AGBL3: variants seen among roughly 807,000 people sequenced by gnomAD.
The protein encoded by AGBL3 is cytosolic carboxypeptidase 3.
In AGBL3, 68 loss-of-function variants were observed where a neutral mutation model predicts 94.5. The ratio of observed to expected loss-of-function variants is 0.72; its 90% CI spans 0.59 to 0.88. The LOEUF is 0.88. Ranked by LOEUF, AGBL3 falls within the 40% of genes least tolerant of loss-of-function variation. AGBL3 has a pLI of 0.00. For missense variants in AGBL3, 934 were observed against 1,103.8 expected, an observed-to-expected ratio of 0.85 and a Z score of 2.18; for synonymous variants, 354 against 370.7, an observed-to-expected ratio of 0.95 and a Z score of 0.52.
chr7:135,114,230 G>A (rs971211918), intron 15 of AGBL3, among the ~76,000 whole-genome samples: 2 of 151,992 alleles, frequency 1.3e-5, no homozygotes, highest in East Asian at 1.9e-4. Flanking sequence ...GGAATTGCTG[G>A]GTCATATGGT....
At chr7:135,024,420 G>A (rs1297953242) in intron 5 of AGBL3, among the ~76,000 whole-genome samples, 3 of 152,076 alleles carry the variant, frequency 2.0e-5, no homozygotes, top group African/African-American at 4.8e-5. Flanking sequence ...TAAAACCCAG[G>A]GCAAGAATCT....
At chr7:134,993,436 C>T (rs1419298465) in intron 3 of AGBL3, 57 bp from the exon 4 acceptor site, 2 of 1,379,394 alleles carry the variant, frequency 1.4e-6, no homozygotes, top group African/African-American at 2.9e-5. Flanking sequence ...ATAAAAATTA[C>T]AGGAGTTGGT....
intron 12 of AGBL3, among the ~76,000 whole-genome samples, chr7:135,071,170 G>A (rs7777520): frequency 0.49 from 73,673 of 151,856 alleles, 18,236 homozygotes; most frequent in South Asian, 0.66. Flanking sequence ...TACAAGGGAC[G>A]TGAAGGACCT....
chr7:135,080,122 A>G (rs1194460646), intron 13 of AGBL3, 81 bp from the exon 14 acceptor site: 1 of 1,089,312 alleles, frequency 9.2e-7, no homozygotes. Context: ...AAAATGCACA[A>G]TACCATAAAT....
At chr7:134,986,943 A>G (rs1584722627) in intron 1 of AGBL3, among the ~76,000 whole-genome samples, 1 of 152,226 alleles carries the variant, frequency 6.6e-6, no homozygotes, top group Admixed American at 6.5e-5. Context: ...GCGCCGGTGG[A>G]TAAGGGCCGT....
intron 16 of AGBL3, among the ~76,000 whole-genome samples, chr7:135,129,945 G>A (rs1222652829): frequency 6.6e-6 from 1 of 152,152 alleles, no homozygotes. Context: ...ATATTATAAT[G>A]TGTCCAAAGC....
At chr7:135,068,529 C>T (rs1486662370) in intron 12 of AGBL3, among the ~76,000 whole-genome samples, 1 of 152,176 alleles carries the variant, frequency 6.6e-6, no homozygotes, top group Admixed American at 6.5e-5. Flanking sequence ...AGACTAACAG[C>T]TGATCTCTCG....
At chr7:135,045,435 A>G (rs1339036724) in intron 9 of AGBL3, 39 bp from the exon 10 acceptor site, 1 of 1,483,070 alleles carries the variant, frequency 6.7e-7, no homozygotes, top group Non-Finnish European at 9.2e-7. Flanking sequence ...AAAATTATTA[A>G]CTTACCCTCA....
intron 12 of AGBL3, among the ~76,000 whole-genome samples, chr7:135,067,196 C>A (rs542099548): frequency 1.2e-4 from 18 of 152,340 alleles, no homozygotes; most frequent in African/African-American, 3.8e-4. Flanking sequence ...GGGACGGGCA[C>A]CCACCATTGC....
chr7:135,015,190 T>C (rs1813623211), intron 4 of AGBL3, among the ~76,000 whole-genome samples: 1 of 152,214 alleles, frequency 6.6e-6, no homozygotes. Flanking sequence ...TATAGAATAC[T>C]CAGAAAATCT....
intron 5 of AGBL3, among the ~76,000 whole-genome samples, chr7:135,032,417 G>T (rs1243154842): frequency 2.0e-5 from 3 of 151,386 alleles, no homozygotes; most frequent in African/African-American, 7.3e-5. Context: ...CGATTCTCCT[G>T]CCTCAGCCTC....
chr7:135,112,687 T>G (rs1825808575), intron 15 of AGBL3, among the ~76,000 whole-genome samples: 1 of 152,246 alleles, frequency 6.6e-6, no homozygotes, highest in Non-Finnish European at 1.5e-5. Context: ...GTCCTGATTC[T>G]TAACATATTG....
At chr7:135,087,672 T>A (rs1821436883) in intron 15 of AGBL3, among the ~76,000 whole-genome samples, 1 of 152,060 alleles carries the variant, frequency 6.6e-6, no homozygotes, top group Non-Finnish European at 1.5e-5. Flanking sequence ...TTCATTCCTT[T>A]GTGGTCAGAA....
intron 4 of AGBL3, among the ~76,000 whole-genome samples, chr7:134,997,915 C>T (rs993086524): frequency 1.3e-5 from 2 of 152,140 alleles, no homozygotes; most frequent in African/African-American, 4.8e-5. Context: ...TAATATTCTG[C>T]TATTTATACA....
chr7:135,093,290 A>AACAC (rs576046311), intron 15 of AGBL3: 3 of 151,034 alleles, frequency 2.0e-5, no homozygotes, highest in Non-Finnish European at 4.4e-5. Context: ...AATCCGAAGG[A>AACAC]ACACACACAC....
chr7:135,014,554 A>G (rs1813549325), intron 4 of AGBL3, among the ~76,000 whole-genome samples: 1 of 152,220 alleles, frequency 6.6e-6, no homozygotes. Flanking sequence ...TATCCTTACC[A>G]ACTACTTAGG....
intron 15 of AGBL3, among the ~76,000 whole-genome samples, chr7:135,105,097 T>A (rs1484378152): frequency 8.4e-6 from 1 of 119,678 alleles, no homozygotes; most frequent in Admixed American, 1.1e-4. Flanking sequence ...TGAGATGGAG[T>A]CTTGCTCTTT....
chr7:135,047,679 T>C (rs1031141634), intron 11 of AGBL3, among the ~76,000 whole-genome samples: 1 of 152,042 alleles, frequency 6.6e-6, no homozygotes, highest in Non-Finnish European at 1.5e-5. Context: ...TGTAGAAATA[T>C]CTATTCAAGT....
At position 135,065,913 on chromosome 7, in the gene AGBL3, G is replaced by A. The variant is rs539496915; in HGVS notation, c.1908+6678G>A. The stretch of plus-strand genomic sequence containing the variant: ...ATCAAAGAAACAAAAATGGTGTTGG[G>A]AAACTGGATATATACATAAAACAGA... On this transcript the variant is annotated intron_variant, in intron 12 of 16. Transcript: ENST00000436302. Among the ~76,000 whole-genome samples the A allele has an allele frequency of 4.6e-5, 7 of 152,094 alleles. No homozygotes were observed. The East Asian group carries it at 9.7e-4, about 21-fold the overall frequency.
Sources: gnomAD v4.1 joint callset for allele counts (sites outside exome capture counted in the v4.1 genomes callset) on GRCh38, gnomAD v4.1.1 for gene constraint, MANE v1.5 for transcripts, NCBI Gene and HGNC (gene_info 2026-07-23, HGNC 2026-07-21) for gene names.